The following MAF variants were observed in gnomAD, a reference collection of about 807,000 sequenced individuals.
The protein encoded by MAF is MAF bZIP transcription factor.
A neutral mutation model predicts 22.0 loss-of-function variants in MAF; 10 were observed. The observed-to-expected ratio is 0.45, with a 90% CI of 0.28 to 0.77. The LOEUF (loss-of-function observed/expected upper bound fraction) is 0.77. MAF is among the 30% of genes least tolerant of loss of function. The pLI, the probability that MAF is intolerant of heterozygous loss-of-function variation, is 0.12. For missense variants in MAF, 544 were observed against 548.4 expected (o/e 0.99, Z 0.08); for synonymous variants, 337 against 255.8 (o/e 1.32, Z -3.03).
the MAF span, among the ~76,000 whole-genome samples, chr16:79,398,843 A>C: frequency 1.3e-5 from 2 of 152,094 alleles, no homozygotes; most frequent in African/African-American, 4.8e-5. Flanking sequence ...TCCCCAGTTG[A>C]GCTAGGCCAG....
At chr16:79,308,608 G>A in the MAF span, among the ~76,000 whole-genome samples, 1 of 152,194 alleles carries the variant, frequency 6.6e-6, no homozygotes, top group Non-Finnish European at 1.5e-5. Context: ...AAAGCATCTT[G>A]TCCGTCAACA....
the MAF span, among the ~76,000 whole-genome samples, chr16:79,400,616 G>A: frequency 2.0e-5 from 3 of 152,216 alleles, no homozygotes; most frequent in African/African-American, 4.8e-5. Context: ...CCCAGGAGGC[G>A]AAAGAGATAA....
the MAF span, among the ~76,000 whole-genome samples, chr16:79,563,510 A>C: frequency 6.6e-6 from 1 of 151,934 alleles, no homozygotes; most frequent in Non-Finnish European, 1.5e-5. Context: ...TGGCACCAAA[A>C]AAAAAAAAAG....
At chr16:79,330,532 G>A in the MAF span, among the ~76,000 whole-genome samples, 708 of 152,326 alleles carry the variant, frequency 4.6e-3, no homozygotes, top group Non-Finnish European at 7.7e-3. Flanking sequence ...AAAGGGCTTA[G>A]AGGAAGCCAA....
chr16:79,511,635 G>T, the MAF span, among the ~76,000 whole-genome samples: 2 of 152,194 alleles, frequency 1.3e-5, no homozygotes, highest in African/African-American at 4.8e-5. Flanking sequence ...TGGCACTTAA[G>T]ATAATATGTA....
the MAF span, among the ~76,000 whole-genome samples, chr16:79,305,626 T>C: frequency 1.1e-4 from 16 of 152,226 alleles, no homozygotes; most frequent in Admixed American, 2.0e-4. Context: ...AGAGAGATAA[T>C]AGATAAATTG....
the MAF span, among the ~76,000 whole-genome samples, chr16:79,332,179 C>T: frequency 3.3e-5 from 5 of 152,264 alleles, no homozygotes; most frequent in Admixed American, 1.3e-4. Context: ...TTATTGAATG[C>T]GTACCATTTA....
chr16:79,337,438 C>T, the MAF span, among the ~76,000 whole-genome samples: 4 of 151,898 alleles, frequency 2.6e-5, no homozygotes, highest in Admixed American at 6.6e-5. Context: ...GGTGTGGTGG[C>T]GCACCTCTAG....
chr16:79,528,216 C>A, the MAF span, among the ~76,000 whole-genome samples: 1 of 152,126 alleles, frequency 6.6e-6, no homozygotes, highest in Non-Finnish European at 1.5e-5. Flanking sequence ...GCTTCTTCTG[C>A]CCTCTTTAGT....
chr16:79,406,477 G>A, the MAF span, among the ~76,000 whole-genome samples: 1 of 152,158 alleles, frequency 6.6e-6, no homozygotes, highest in African/African-American at 2.4e-5. Context: ...TGGCTTCCGG[G>A]TTCAGGTTCA....
chr16:79,391,677 C>T, the MAF span, among the ~76,000 whole-genome samples: 5 of 152,098 alleles, frequency 3.3e-5, no homozygotes, highest in Admixed American at 6.6e-5. Flanking sequence ...GGTGGGCATC[C>T]GCCTCCAGGA....
chr16:79,496,674 A>G, the MAF span, among the ~76,000 whole-genome samples: 2 of 152,228 alleles, frequency 1.3e-5, no homozygotes, highest in Non-Finnish European at 2.9e-5. Context: ...TCTTCTCTTC[A>G]TAATGCAGAT....
At chr16:79,283,967 C>A in the MAF span, among the ~76,000 whole-genome samples, 58 of 115,544 alleles carry the variant, frequency 5.0e-4, no homozygotes, top group Admixed American at 9.7e-4. Flanking sequence ...ACCTCCTCCT[C>A]AAAAAAAAAA....
the MAF span, among the ~76,000 whole-genome samples, chr16:79,222,196 G>C: frequency 5.3e-5 from 8 of 152,120 alleles, no homozygotes; most frequent in Admixed American, 5.2e-4. Context: ...CATTATTAAA[G>C]AAAAGAATTT....
chr16:79,529,412 C>T, the MAF span, among the ~76,000 whole-genome samples: 1 of 152,168 alleles, frequency 6.6e-6, no homozygotes, highest in African/African-American at 2.4e-5. Context: ...ACACATCCGC[C>T]ATAGAGAAAG....
the MAF span, among the ~76,000 whole-genome samples, chr16:79,396,455 TC>T: frequency 9.2e-5 from 14 of 152,152 alleles, no homozygotes; most frequent in Non-Finnish European, 1.8e-4. Flanking sequence ...TTTTTATACA[TC>T]CCCAAGATGC....
At chr16:79,234,888 T>G in the MAF span, among the ~76,000 whole-genome samples, 2 of 152,048 alleles carry the variant, frequency 1.3e-5, no homozygotes, top group Non-Finnish European at 2.9e-5. Flanking sequence ...AAGCAGGGGC[T>G]TGACCTGCCC....
the MAF span, among the ~76,000 whole-genome samples, chr16:79,278,701 C>T: frequency 1.3e-5 from 2 of 151,984 alleles, no homozygotes; most frequent in African/African-American, 2.4e-5. Context: ...AGAAACCAAG[C>T]CTTGCTCTCG....
At chr16:79,570,039 C>A in the MAF span, among the ~76,000 whole-genome samples, 1 of 97,198 alleles carries the variant, frequency 1.0e-5, no homozygotes, top group Admixed American at 1.2e-4. Context: ...TTGGATCTTT[C>A]TTCCATTGAT....
Sources: allele counts gnomAD v4.1 joint callset (sites outside exome capture counted in the v4.1 genomes callset), GRCh38; gene constraint gnomAD v4.1.1; transcripts MANE v1.5; gene names NCBI Gene and HGNC (gene_info 2026-07-23, HGNC 2026-07-21).